IGSF11: variants seen among roughly 807,000 people sequenced by gnomAD.
The protein encoded by IGSF11 is immunoglobulin superfamily member 11.
Under a neutral mutation model 41.0 loss-of-function variants are expected in IGSF11, and 22 were observed. That is an observed-to-expected ratio of 0.54 (90% CI 0.38 to 0.77). The LOEUF (loss-of-function observed/expected upper bound fraction) is 0.77. Ranked by LOEUF, IGSF11 falls within the 30% of genes least tolerant of loss-of-function variation. The pLI is 0.00. For missense variants in IGSF11, 444 were observed against 530.8 expected (o/e 0.84, Z 1.61); for synonymous variants, 219 against 201.3 (o/e 1.09, Z -0.74).
At chr3:119,047,814 A>G (rs939375834) in intron 1 of IGSF11, among the ~76,000 whole-genome samples, 23 of 152,282 alleles carry the variant, frequency 1.5e-4, no homozygotes, top group Non-Finnish European at 1.5e-5. Flanking sequence ...ACCACAGTGC[A>G]ATCAAACTAG....
chr3:119,019,425 T>G (rs1374259958), intron 1 of IGSF11, among the ~76,000 whole-genome samples: 3 of 149,012 alleles, frequency 2.0e-5, no homozygotes, highest in Non-Finnish European at 4.4e-5. Flanking sequence ...GATGATTAGA[T>G]TGGACTGAAT....
At chr3:118,937,608 T>C (rs1055025483) in intron 1 of IGSF11, among the ~76,000 whole-genome samples, 48 of 152,214 alleles carry the variant, frequency 3.2e-4, no homozygotes, top group Non-Finnish European at 1.6e-4. Flanking sequence ...TTTATCAATA[T>C]AGATGGCTCT....
chr3:119,083,204 T>G (rs1241759748), intron 1 of IGSF11, among the ~76,000 whole-genome samples: 1 of 150,600 alleles, frequency 6.6e-6, no homozygotes, highest in Non-Finnish European at 1.5e-5. Flanking sequence ...ATGATCTTGC[T>G]GCGGCCTCGA....
chr3:119,143,040 TAAAC>T (rs1163213604), intron 1 of IGSF11, among the ~76,000 whole-genome samples: 3 of 152,112 alleles, frequency 2.0e-5, no homozygotes, highest in Non-Finnish European at 4.4e-5. Context: ...CATTCCCAGA[TAAAC>T]AAATCCTAAG....
intron 1 of IGSF11, among the ~76,000 whole-genome samples, chr3:119,101,855 A>G (rs1341185624): frequency 6.6e-6 from 1 of 152,190 alleles, no homozygotes; most frequent in African/African-American, 2.4e-5. Flanking sequence ...GTCTATTTCC[A>G]TTTCATTTTC....
chr3:118,991,513 T>C (rs1304050761), intron 1 of IGSF11, among the ~76,000 whole-genome samples: 1 of 152,240 alleles, frequency 6.6e-6, no homozygotes, highest in East Asian at 1.9e-4. Flanking sequence ...AATTAACCTG[T>C]GAATTTAATC....
upstream of IGSF11, among the ~76,000 whole-genome samples, chr3:119,107,755 A>T (rs1193107134): frequency 6.6e-6 from 1 of 152,062 alleles, no homozygotes; most frequent in Non-Finnish European, 1.5e-5. Flanking sequence ...ACCTTGAATT[A>T]ATTTTTCTAT....
chr3:119,042,157 T>C (rs750094767), intron 1 of IGSF11, among the ~76,000 whole-genome samples: 9 of 152,184 alleles, frequency 5.9e-5, no homozygotes, highest in Non-Finnish European at 7.3e-5. Flanking sequence ...AAAAATTAGA[T>C]GATCATTTTA....
At chr3:119,063,774 T>A (rs1253993303) in intron 1 of IGSF11, among the ~76,000 whole-genome samples, 1 of 152,194 alleles carries the variant, frequency 6.6e-6, no homozygotes, top group Non-Finnish European at 1.5e-5. Context: ...ACTACATAGA[T>A]GATGTTCCAA....
At position 119,097,957 on chromosome 3, in the gene IGSF11, A is replaced by ATTTTTTTTTTTTTT. The variant is rs377746200; in HGVS notation, c.49+7173_49+7186dup. 1.9e-4 allele frequency among the ~76,000 whole-genome samples: 11 copies of ATTTTTTTTTTTTTT among 58,364 alleles called. 3 individuals carry two copies. Among genetic ancestry groups the ATTTTTTTTTTTTTT allele is most frequent in the Non-Finnish European group, 2.7e-4 (8 of 29,260 alleles). 38.3% of individuals were successfully genotyped at this position (58,364 alleles called of 152,430 possible). A position where few individuals can be genotyped will look rare whatever the true frequency, so the allele number is the denominator to read the frequency against. On this transcript the variant is annotated intron_variant, in intron 1 of 6. Coordinates refer to the IGSF11 transcript ENST00000354673. Reference sequence around the variant, plus strand: ...AGGCACATGCCACCACATTCAGCTAATTTTTTTTTTTTTTTTTTTTTTTTT... The same window carrying ATTTTTTTTTTTTTT: ...AGGCACATGCCACCACATTCAGCTAATTTTTTTTTTTTTTTTTTTTTTTTTTTTTTTTTTTTTTT...
intron 1 of IGSF11, among the ~76,000 whole-genome samples, chr3:119,084,377 C>T (rs1342525356): frequency 5.3e-5 from 8 of 152,102 alleles, no homozygotes. Context: ...GAGGACATCC[C>T]ACTTGCACCA....
rs377746200 is a variant in IGSF11 at position 119,097,957 on chromosome 3, ATTTTTTTT to A, written c.49+7179_49+7186del. 1.4e-4 allele frequency among the ~76,000 whole-genome samples: 8 copies of A among 58,364 alleles called. 1 individual carries two copies. The highest frequency in any genetic ancestry group is 2.5e-4 in the Admixed American group (1 of 3,984). 38.3% of individuals were successfully genotyped at this position (58,364 alleles called of 152,430 possible). On this transcript the variant is annotated intron_variant, in intron 1 of 6. Coordinates refer to the IGSF11 transcript ENST00000354673. Reference sequence around the variant, plus strand: ...AGGCACATGCCACCACATTCAGCTAATTTTTTTTTTTTTTTTTTTTTTTTTTTTTAGAG... The same window carrying A: ...AGGCACATGCCACCACATTCAGCTAATTTTTTTTTTTTTTTTTTTTTAGAG...
At position 119,005,182 on chromosome 3, in the gene IGSF11, T is replaced by G. The variant is rs1311057161; in HGVS notation, c.52+29349A>C. Among the ~76,000 whole-genome samples, 9 of 145,608 alleles carry G rather than the reference T, an allele frequency of 6.2e-5. No homozygotes were observed. In the East Asian group the frequency reaches 1.8e-3, roughly 29 times the overall value. ...TGCATATATGTTTAGGATAGTTAGC[T>G]CCTCTTGTTGAATTGATCCCTTTAC... On this transcript the variant is annotated intron_variant, in intron 1 of 6. Transcript: ENST00000393775.
At chr3:119,012,064 AGAAAGAATT>A (rs1938195577) in intron 1 of IGSF11, among the ~76,000 whole-genome samples, 1 of 152,184 alleles carries the variant, frequency 6.6e-6, no homozygotes, top group Non-Finnish European at 1.5e-5. Flanking sequence ...CGAGAGCACT[AGAAAGAATT>A]ACTGGTGGCA....
chr3:118,928,751 T>G, intron 2 of IGSF11, 35 bp from the exon 3 acceptor site: 2 of 1,475,900 alleles, frequency 1.4e-6, no homozygotes, highest in Non-Finnish European at 1.9e-6. Flanking sequence ...AACTGGCCAC[T>G]CTATCCTCTC....
At chr3:119,105,262 A>T (rs1559869782), upstream of IGSF11, 3 of 1,010,802 alleles carry the variant, frequency 3.0e-6, no homozygotes, top group African/African-American at 5.0e-5. Context: ...CATTATATGT[A>T]TTTCATTTTT....
At chr3:118,912,412 G>A (rs753743339) in intron 4 of IGSF11, among the ~76,000 whole-genome samples, 58 of 152,280 alleles carry the variant, frequency 3.8e-4, no homozygotes, top group Non-Finnish European at 6.6e-4. Context: ...CTGTGAGCTA[G>A]CTCCAGCCCT....
chr3:118,926,077 T>C (rs770226197), intron 4 of IGSF11, 24 bp downstream of exon 4: 16 of 1,430,176 alleles, frequency 1.1e-5, no homozygotes, highest in South Asian at 1.6e-5. Context: ...ACTAATAAAA[T>C]GGGTAAAGCA....
chr3:118,944,457 T>TACACACACACACAC (rs3079206), intron 1 of IGSF11, among the ~76,000 whole-genome samples: 12 of 125,812 alleles, frequency 9.5e-5, no homozygotes, highest in African/African-American at 3.2e-4. Context: ...TAGCTTGAAA[T>TACACACACACACAC]ACACACACAC....
Sources: allele counts gnomAD v4.1 joint callset (sites outside exome capture counted in the v4.1 genomes callset), GRCh38; gene constraint gnomAD v4.1.1; transcripts MANE v1.5; gene names NCBI Gene and HGNC (gene_info 2026-07-23, HGNC 2026-07-21).